PPP2R3A: variants seen among roughly 807,000 people sequenced by gnomAD.
The protein encoded by PPP2R3A is protein phosphatase 2 regulatory subunit B''alpha.
A neutral mutation model predicts 106.9 loss-of-function variants in PPP2R3A; 80 were observed. That is an observed-to-expected ratio of 0.75 (90% CI 0.62 to 0.90). PPP2R3A has a LOEUF of 0.90. PPP2R3A is among the 40% of genes least tolerant of loss of function. PPP2R3A has a pLI of 0.00. For missense variants in PPP2R3A, 1,386 were observed against 1,350.4 expected, an observed-to-expected ratio of 1.03 and a Z score of -0.41; for synonymous variants, 483 against 468.3, an observed-to-expected ratio of 1.03 and a Z score of -0.41.
At chr3:136,080,608 G>A (rs1478594082) in intron 7 of PPP2R3A, among the ~76,000 whole-genome samples, 1 of 152,184 alleles carries the variant, frequency 6.6e-6, no homozygotes, top group East Asian at 1.9e-4. Context: ...ATAAAACAAA[G>A]TAATATGAGC....
At chr3:136,121,565 G>A (rs1366737731) in intron 13 of PPP2R3A, among the ~76,000 whole-genome samples, 1 of 152,038 alleles carries the variant, frequency 6.6e-6, no homozygotes, top group Non-Finnish European at 1.5e-5. Flanking sequence ...AACCTGCATA[G>A]GTACCCCTTG....
chr3:136,065,401 G>C (rs965819513), intron 5 of PPP2R3A, among the ~76,000 whole-genome samples: 1 of 152,050 alleles, frequency 6.6e-6, no homozygotes, highest in Non-Finnish European at 1.5e-5. Context: ...TAGAATGTTT[G>C]TTTATATAAA....
intron 4 of PPP2R3A, among the ~76,000 whole-genome samples, chr3:136,043,668 C>T (rs9812561): frequency 0.25 from 38,735 of 152,032 alleles, 5,413 homozygotes; most frequent in Non-Finnish European, 0.32. Flanking sequence ...TTTTTGAGGT[C>T]CTAGAGTATC....
intron 5 of PPP2R3A, among the ~76,000 whole-genome samples, chr3:136,053,533 T>A (rs1024103921): frequency 2.0e-5 from 3 of 152,150 alleles, no homozygotes; most frequent in Non-Finnish European, 4.4e-5. Flanking sequence ...GAAATGGGGA[T>A]TCACTGAAGG....
chr3:136,036,486 C>G (rs1935090360), intron 3 of PPP2R3A, among the ~76,000 whole-genome samples: 1 of 152,202 alleles, frequency 6.6e-6, no homozygotes, highest in South Asian at 2.1e-4. Flanking sequence ...ATTGTTATCT[C>G]TCTTCTGGAT....
rs1559940364 is a variant in PPP2R3A, at chr3:136,136,075, T to TAAA, written c.3330-8967_3330-8966insAAA. ...AAAAAAAAAAAAAAAAAAAAAAAAT[T>TAAA]ATATATATATATATATATAAAAAAC... On this transcript the variant is annotated intron_variant, in intron 13 of 13. Coordinates refer to ENST00000264977, the MANE Select transcript of PPP2R3A (RefSeq NM_002718.5). 2.6e-3 allele frequency among the ~76,000 whole-genome samples: 20 copies of TAAA among 7,756 alleles called. 1 individual carries two copies. The highest frequency in any genetic ancestry group is 6.4e-3 in the Non-Finnish European group (15 of 2,352). 5.1% of individuals were successfully genotyped at this position (7,756 alleles called of 152,430 possible). A position where few individuals can be genotyped will look rare whatever the true frequency, so the allele number is the denominator to read the frequency against.
At chr3:136,008,844 T>C (rs1286962507) in intron 2 of PPP2R3A, among the ~76,000 whole-genome samples, 1 of 152,082 alleles carries the variant, frequency 6.6e-6, no homozygotes. Context: ...CCCACAGGCC[T>C]GTCCAACCCT....
At chr3:136,143,619 G>C (rs543017453) in intron 13 of PPP2R3A, among the ~76,000 whole-genome samples, 2 of 151,890 alleles carry the variant, frequency 1.3e-5, no homozygotes, top group Non-Finnish European at 2.9e-5. Flanking sequence ...GTGAAACCCT[G>C]TCTCTACTGA....
intron 1 of PPP2R3A, among the ~76,000 whole-genome samples, chr3:135,997,235 G>A (rs1221521548): frequency 2.6e-5 from 4 of 152,110 alleles, no homozygotes; most frequent in East Asian, 1.9e-4. Context: ...GAAATTGCAC[G>A]TGATAAGGAT....
Position 136,035,519 on chromosome 3 carries a change from T to C in PPP2R3A, c.2263-5340T>C, listed in dbSNP as rs1935056804. 5.9e-5 allele frequency among the ~76,000 whole-genome samples: 9 copies of C among 152,224 alleles called. 1 individual carries two copies. Among genetic ancestry groups the C allele is most frequent in the Admixed American group, 5.2e-4 (8 of 15,288 alleles). ...TTGCTGGATACAAAATTTTGGCTGA[T>C]AATTGTTTTGTTTGAGGAGGCTGAA... On this transcript the variant is annotated intron_variant, in intron 3 of 13. Coordinates refer to ENST00000264977, the MANE Select transcript of PPP2R3A (RefSeq NM_002718.5).
Position 136,040,941 on chromosome 3 carries a change from C to A in PPP2R3A, c.2345C>A (p.Ser782Ter). ...GEKTGFVTAQSFIAMWRKLLN... is the reference protein window; with the variant it reads ...GEKTGFVTAQ ...AAGACAGGATTTGTGACAGCACAGT[C>A]ATTCATTGCCATGTGGAGAAAGTAA... Residue 782 changes from serine (S) to a stop codon, truncating the protein, a stop_gained, in exon 4 of 14, where the codon TCA becomes TAA. Coordinates refer to ENST00000264977, the MANE Select transcript of PPP2R3A (RefSeq NM_002718.5). LOFTEE classifies it high-confidence loss of function. 1 of 1,613,402 alleles carries A rather than the reference C, an allele frequency of 6.2e-7. No homozygotes were observed. Among genetic ancestry groups the A allele is most frequent in the South Asian group, 1.1e-5 (1 of 90,874 alleles).
intron 2 of PPP2R3A, chr3:136,022,757 C>T (rs1369411031): frequency 8.9e-7 from 1 of 1,119,972 alleles, no homozygotes; most frequent in African/African-American, 1.7e-5. Flanking sequence ...GCTCCATATT[C>T]TCAACATGTG....
At chr3:136,088,764 G>C (rs1411960524) in intron 9 of PPP2R3A, among the ~76,000 whole-genome samples, 1 of 152,120 alleles carries the variant, frequency 6.6e-6, no homozygotes, top group Non-Finnish European at 1.5e-5. Context: ...GTTACATTTT[G>C]ACGTTTTAGT....
chr3:136,089,063 C>T (rs1937029119), intron 9 of PPP2R3A, among the ~76,000 whole-genome samples: 1 of 152,074 alleles, frequency 6.6e-6, no homozygotes, highest in Non-Finnish European at 1.5e-5. Flanking sequence ...GTTTCTTTTG[C>T]TGTGCAAAAG....
intron 1 of PPP2R3A, among the ~76,000 whole-genome samples, chr3:135,996,501 G>A (rs1012326091): frequency 6.6e-6 from 1 of 152,202 alleles, no homozygotes; most frequent in African/African-American, 2.4e-5. Context: ...AGAAATATTT[G>A]TTGGTTAATC....
chr3:136,036,680 G>C (rs966939014), intron 3 of PPP2R3A, among the ~76,000 whole-genome samples: 2 of 152,130 alleles, frequency 1.3e-5, no homozygotes, highest in Non-Finnish European at 2.9e-5. Context: ...CAGGTTTCCT[G>C]ATTTATTCCT....
At chr3:136,038,656 T>C (rs1387396096) in intron 3 of PPP2R3A, among the ~76,000 whole-genome samples, 1 of 152,168 alleles carries the variant, frequency 6.6e-6, no homozygotes, top group Admixed American at 6.5e-5. Context: ...CCATTCACCC[T>C]GCCTCCATGA....
Position 136,002,832 on chromosome 3 carries a change from A to G in PPP2R3A, c.1334A>G (p.Asn445Ser). 6.2e-7 allele frequency: 1 copy of G among 1,614,076 alleles called. No homozygotes were observed. Among genetic ancestry groups the G allele is most frequent in the Non-Finnish European group, 8.5e-7 (1 of 1,179,958 alleles). The change falls in exon 2 of 14, where the codon AAT (asparagine) becomes AGT (serine). Residue 445 changes from asparagine (N) to serine (S), a missense_variant. Asn to Ser is a conservative substitution (Grantham distance 46). Coordinates refer to ENST00000264977, the MANE Select transcript of PPP2R3A (RefSeq NM_002718.5). ...NGPSHELLKV[N>S]EHRAEFPEHA... is the part of the protein sequence containing the mutation. ...CCTAGTCATGAGTTATTAAAGGTAA[A>G]TGAACATAGAGCAGAATTTCCAGAA...
intron 1 of PPP2R3A, among the ~76,000 whole-genome samples, chr3:135,993,195 A>C (rs1277497746): frequency 6.6e-6 from 1 of 152,314 alleles, no homozygotes; most frequent in South Asian, 2.1e-4. Context: ...TCTGTATTTA[A>C]AATATATATG....
Sources: gnomAD v4.1 joint callset for allele counts (sites outside exome capture counted in the v4.1 genomes callset) on GRCh38, gnomAD v4.1.1 for gene constraint, MANE v1.5 for transcripts, NCBI Gene and HGNC (gene_info 2026-07-23, HGNC 2026-07-21) for gene names.